TTN: variants seen among roughly 807,000 people sequenced by gnomAD.
TTN encodes the protein connectin.
In TTN, 1,525 loss-of-function variants were observed where a neutral mutation model predicts 3,223.0. That is an observed-to-expected ratio of 0.47 (90% CI 0.45 to 0.49). The LOEUF is 0.49. Ranked by LOEUF, TTN falls within the 20% of genes least tolerant of loss-of-function variation. The probability of loss-of-function intolerance (pLI) is 0.00; values close to 1 mark genes in which losing one functional copy is unlikely to be tolerated. For synonymous variants in TTN, 14,094 were observed against 15,161.0 expected, an observed-to-expected ratio of 0.93 and a Z score of 5.17; for missense variants, 40,786 against 43,424.0, an observed-to-expected ratio of 0.94 and a Z score of 5.40.
At chr2:178,604,672 T>C in intron 281 of TTN, 36 bp downstream of exon 281, 1 of 1,549,864 alleles carries the variant, frequency 6.5e-7, no homozygotes, top group African/African-American at 1.4e-5. Flanking sequence ...GTCATGTACT[T>C]TTAATGTGTA....
rs749961745 is a variant in TTN at position 178,542,433 on chromosome 2, G to A, written c.97323C>T (p.Asp32441=). The A allele has an allele frequency of 1.5e-5, 24 of 1,613,552 alleles. No homozygotes were observed. The highest frequency in any genetic ancestry group is 6.7e-5 in the Admixed American group (4 of 59,986). Reference sequence around the variant, plus strand: ...CGGGCAGCCATCCTGGACGATGAGCGTCACGTTGTTCTACCACATAACCAC... The same window carrying A: ...CGGGCAGCCATCCTGGACGATGAGCATCACGTTGTTCTACCACATAACCAC... The part of the protein sequence containing the change: ...PLSGYVVEQR[D]AHRPGWLPVS... Residue 32441 remains aspartate (D), a synonymous_variant, in exon 349 of 363, where the codon GAC becomes GAT. Transcript: ENST00000589042.
At chr2:178,753,222 G>A in intron 46 of TTN, 42 bp from the exon 47 acceptor site, 3 of 1,471,746 alleles carry the variant, frequency 2.0e-6, no homozygotes, top group African/African-American at 1.4e-5. Flanking sequence ...GTGATTAATT[G>A]CATATATTTT....
chr2:178,584,978 C>G lies in TTN; in HGVS notation c.64673-10G>C. 1.2e-6 allele frequency: 2 copies of G among 1,610,262 alleles called. No homozygotes were observed. Among genetic ancestry groups the G allele is most frequent in the Non-Finnish European group, 1.7e-6 (2 of 1,178,824 alleles). Reference sequence around the variant, plus strand: ...GGGGGGCCGGGGGCATCTACATGAACCAAGAGGAAAGAAATGTAAGAACAA... The same window carrying G: ...GGGGGGCCGGGGGCATCTACATGAAGCAAGAGGAAAGAAATGTAAGAACAA... On this transcript the variant is annotated splice_polypyrimidine_tract_variant and intron_variant, in intron 309 of 362. Transcript: ENST00000589042.
intron 43 of TTN, 97 bp downstream of exon 43, chr2:178,764,080 T>A (rs947764470): frequency 4.3e-5 from 65 of 1,525,732 alleles, no homozygotes; most frequent in Admixed American, 4.2e-4. Flanking sequence ...AAATTATGCA[T>A]GAGAGATGTT....
In TTN at chr2:178,537,206, T is replaced by A; in HGVS notation, c.99903A>T (p.Glu33301Asp). The A allele has an allele frequency of 9.3e-6, 15 of 1,611,034 alleles. No homozygotes were observed. Among genetic ancestry groups the A allele is most frequent in the Non-Finnish European group, 1.3e-5 (15 of 1,177,558 alleles). Residue 33301 changes from glutamate (E) to aspartate (D), a missense_variant, in exon 356 of 363, where the codon GAA (glutamate) becomes GAT (aspartate). Physicochemically the swap from Glu to Asp is conservative, Grantham distance 45. Transcript: ENST00000589042. ...PDKPTGPIVI[E>D]ALLKNSAVIS... The stretch of plus-strand genomic sequence containing the variant: ...TCACTGCGGAGTTCTTCAATAGAGC[T>A]TCGATCACAATTGGTCCTGTAGGTT...
chr2:178,774,993 C>T lies in TTN; in HGVS notation c.6718G>A (p.Asp2240Asn), dbSNP rs769846959. ...FLSILTIDTS[D>N]AEDYSCVLVE... ...AGTACACAGCTGTAATCTTCAGCAT[C>T]AGACGTATCAATGGTCAGTATGGAG... The change falls in exon 29 of 363, where the codon GAT (aspartate) becomes AAT (asparagine). Residue 2240 changes from aspartate to asparagine, a missense_variant. By Grantham distance (23) the Asp-to-Asn change is conservative. Coordinates refer to ENST00000589042, the MANE Select transcript of TTN (RefSeq NM_001267550.2). The T allele has an allele frequency of 1.2e-5, 19 of 1,613,864 alleles. No individual in the cohort carries two copies.
At position 178,721,096 on chromosome 2, in the gene TTN, T is replaced by C. The variant is rs1276005134; in HGVS notation, c.22923A>G (p.Ser7641=). 1.9e-6 allele frequency: 3 copies of C among 1,613,368 alleles called. No homozygotes were observed. Among genetic ancestry groups the C allele is most frequent in the South Asian group, 1.1e-5 (1 of 91,048 alleles). The part of the protein sequence containing the change: ...KISGSPEIKV[S]WFRNDSELHE... ...GAAGTTCGCTGTCATTTCGGAACCA[T>C]GAAACTTTGATTTCTGGGGAGCCAC... The change falls in exon 79 of 363, where the codon TCA becomes TCG. Residue 7641 remains serine, a synonymous_variant. Transcript: ENST00000589042.
In TTN at chr2:178,583,157, G is replaced by A; in HGVS notation, c.65646C>T (p.Cys21882=). ...GTTTACCAAAAACAGTAGCATCCAA[G>A]CAGACATTAGTTCCAGCTTTCACAG... ...LLTVKAGTNV[C]LDATVFGKPM... Residue 21882 remains cysteine, a synonymous_variant, in exon 313 of 363, where the codon TGC becomes TGT. Transcript: ENST00000589042. 6.2e-7 allele frequency: 1 copy of A among 1,612,360 alleles called. No individual in the cohort carries two copies. The highest frequency in any genetic ancestry group is 8.5e-7 in the Non-Finnish European group (1 of 1,179,004).
At position 178,531,556 on chromosome 2, in the gene TTN, T is replaced by G. The variant is rs1178732521; in HGVS notation, c.105059A>C (p.Lys35020Thr). 1 of 1,613,962 alleles carries G rather than the reference T, an allele frequency of 6.2e-7. No individual in the cohort carries two copies. Among genetic ancestry groups the G allele is most frequent in the African/African-American group, 1.3e-5 (1 of 75,038 alleles). Residue 35020 changes from lysine (K) to threonine (T), a missense_variant, in exon 358 of 363, where the codon AAG (lysine) becomes ACG (threonine). By Grantham distance (78) the Lys-to-Thr change is moderately conservative (BLOSUM62 -1). Transcript: ENST00000589042. ...GTYRAVCTNYKGEASDYATLD... is the reference protein window; with the variant it reads ...GTYRAVCTNYTGEASDYATLD... Reference sequence around the variant, plus strand: ...CGTTGCATAGTCAGAAGCTTCGCCCTTGTAGTTGGTGCACACAGCACGGTA... The same window carrying G: ...CGTTGCATAGTCAGAAGCTTCGCCCGTGTAGTTGGTGCACACAGCACGGTA...
In TTN at chr2:178,591,194, A is replaced by G; in HGVS notation, c.60531T>C (p.Gly20177=). 1 of 1,613,394 alleles carries G rather than the reference A, an allele frequency of 6.2e-7. No homozygotes were observed. The highest frequency in any genetic ancestry group is 8.5e-7 in the Non-Finnish European group (1 of 1,179,568). ...GAGTAACATCCAGAATATTAATAGG[A>G]CCTGTTGGTGGCCCAGGAACATCAA... The part of the protein sequence containing the change: ...TVLDVPGPPT[G]PINILDVTPE... The change falls in exon 304 of 363, where the codon GGT becomes GGC. Residue 20177 remains glycine (G), a synonymous_variant. Coordinates refer to ENST00000589042, the MANE Select transcript of TTN (RefSeq NM_001267550.2).
chr2:178,569,309 A>G lies in TTN; in HGVS notation c.76823T>C (p.Leu25608Pro). The G allele has an allele frequency of 6.2e-7, 1 of 1,612,018 alleles. No individual in the cohort carries two copies. Among genetic ancestry groups the G allele is most frequent in the Non-Finnish European group, 8.5e-7 (1 of 1,178,840 alleles). ...VLDTPSPPVN[L>P]KVTEITKDSV... ...GTCTTTGGTGATTTCTGTGACTTTC[A>G]GGTTAACAGGTGGACTTGGCGTGTC... is the stretch of plus-strand genomic sequence containing the variant. Residue 25608 changes from leucine (L) to proline (P), a missense_variant, in exon 326 of 363, where the codon CTG becomes CCG. Coordinates refer to ENST00000589042, the MANE Select transcript of TTN (RefSeq NM_001267550.2).
intron 240 of TTN, among the ~76,000 whole-genome samples, chr2:178,628,983 C>G (rs1314858159): frequency 1.3e-5 from 2 of 152,090 alleles, no homozygotes; most frequent in Non-Finnish European, 2.9e-5. Context: ...AATCAGAAAG[C>G]CTTTTTGATC....
chr2:178,714,345 T>A lies in TTN; in HGVS notation c.26429A>T (p.Gln8810Leu), dbSNP rs934473433. Reference sequence around the variant, plus strand: ...TTGCATCCCAGCATCGTTTTTGATCTGACAAGTGTATTTTCCAGCATTGGC... The same window carrying A: ...TTGCATCCCAGCATCGTTTTTGATCAGACAAGTGTATTTTCCAGCATTGGC... ...EPANAGKYTC[Q>L]IKNDAGMQEC... Residue 8810 changes from glutamine (Q) to leucine (L), a missense_variant, in exon 91 of 363, where the codon CAG becomes CTG. Gln to Leu is a moderately radical substitution (Grantham distance 113). Coordinates refer to ENST00000589042, the MANE Select transcript of TTN (RefSeq NM_001267550.2). 4 of 1,613,640 alleles carry A rather than the reference T, an allele frequency of 2.5e-6. No homozygotes were observed. The highest frequency in any genetic ancestry group is 1.3e-5 in the African/African-American group (1 of 74,902).
At chr2:178,615,240 T>G in intron 259 of TTN, 67 bp downstream of exon 259, 1 of 1,552,224 alleles carries the variant, frequency 6.4e-7, no homozygotes, top group South Asian at 1.2e-5. Context: ...ATTTAAATTT[T>G]CCCCAACAAA....
In TTN at chr2:178,696,130, A is replaced by G; in HGVS notation, c.30942T>C (p.Ile10314=). 6.4e-7 allele frequency: 1 copy of G among 1,552,414 alleles called. No homozygotes were observed. The change falls in exon 114 of 363, where the codon ATT becomes ATC. Residue 10314 remains isoleucine, a synonymous_variant. Transcript: ENST00000589042. ...CGTCATAAGGTTCTTCGAAAGATTC[A>G]ATGAAGACTCTCTTCTCCTTGTGGA... ...QAVHKEKRVF[I]ESFEEPYDEL...
chr2:178,768,445 T>G lies in TTN; in HGVS notation c.9163+228A>C, dbSNP rs113300256. 1.9e-3 allele frequency among the ~76,000 whole-genome samples: 289 copies of G among 152,352 alleles called. 3 individuals carry two copies. Among genetic ancestry groups the G allele is most frequent in the African/African-American group, 6.7e-3 (277 of 41,580 alleles). On this transcript the variant is annotated intron_variant, in intron 38 of 362. Transcript: ENST00000589042. ...TCTTGGACATTTCATATAAATGGAA[T>G]CATACAATATGTGGTCTTTGTATGG...
Position 178,564,322 on chromosome 2 carries a change from A to G in TTN, c.81810T>C (p.Ile27270=), listed in dbSNP as rs971963708. Residue 27270 remains isoleucine, a synonymous_variant, in exon 326 of 363, where the codon ATT becomes ATC. Coordinates refer to ENST00000589042, the MANE Select transcript of TTN (RefSeq NM_001267550.2). ...SSGAITARDE[I]DAPNASLDPK... ...GATCCAGAGAGGCATTTGGTGCATC[A>G]ATTTCATCTCTTGCAGTAATGGCAC... The G allele has an allele frequency of 3.1e-6, 5 of 1,613,686 alleles. No individual in the cohort carries two copies. The highest frequency in any genetic ancestry group is 2.5e-6 in the Non-Finnish European group (3 of 1,179,754).
intron 212 of TTN, 111 bp from the exon 213 acceptor site, chr2:178,649,442 T>C (rs1176415316): frequency 5.9e-6 from 8 of 1,357,062 alleles, no homozygotes; most frequent in Non-Finnish European, 6.9e-6. Context: ...GAAAGCAAAA[T>C]AAGGAAATTT....
In TTN at chr2:178,591,614, A is replaced by G. The variant is rs771201679; in HGVS notation, c.60205T>C (p.Cys20069Arg). The G allele has an allele frequency of 2.4e-5, 39 of 1,611,880 alleles. No homozygotes were observed. Among genetic ancestry groups the G allele is most frequent in the Non-Finnish European group, 2.9e-5 (34 of 1,179,296 alleles). The change falls in exon 303 of 363, where the codon TGT becomes CGT. Residue 20069 changes from cysteine to arginine, a missense_variant. Transcript: ENST00000589042. ...CAAAAATTACCTAGTTTTTCTTGAC[A>G]TTCTATCGGGATAGTTGTGTCAGGG... ...GLPDTTIPIE[C>R]QEKLVPPSVE... is the part of the protein sequence containing the mutation.
Sources: allele counts gnomAD v4.1 joint callset (sites outside exome capture counted in the v4.1 genomes callset), GRCh38; gene constraint gnomAD v4.1.1; transcripts MANE v1.5; gene names NCBI Gene and HGNC (gene_info 2026-07-23, HGNC 2026-07-21).